Variants in PSRC1 observed in about 807,000 individuals in gnomAD.
PSRC1 encodes the protein proline and serine rich coiled-coil 1.
Under a neutral mutation model 31.9 loss-of-function variants are expected in PSRC1, and 30 were observed. The ratio of observed to expected loss-of-function variants is 0.94; its 90% CI spans 0.70 to 1.28. PSRC1 has a LOEUF of 1.28. Among genes scored for constraint, PSRC1 ranks in the 50% most tolerant of loss-of-function variants. PSRC1 has a pLI of 0.00. For missense variants in PSRC1, 481 were observed against 472.8 expected (o/e 1.02, Z -0.16); for synonymous variants, 191 against 192.1 (o/e 0.99, Z 0.05).
Position 109,281,606 on chromosome 1 carries a change from T to C in PSRC1, c.519+13A>G, listed in dbSNP as rs776210306. On this transcript the variant is annotated intron_variant, in intron 4 of 6. Coordinates refer to ENST00000409138, the Ensembl canonical transcript of PSRC1. ...GTCTGGGGCACACCTCCAACTCAACTCTCTCAACTCACCCTCTTCATGTTG... is the reference window on the plus strand; with the variant it reads ...GTCTGGGGCACACCTCCAACTCAACCCTCTCAACTCACCCTCTTCATGTTG... 3.4e-5 allele frequency: 54 copies of C among 1,599,268 alleles called. No individual in the cohort carries two copies. The highest frequency in any genetic ancestry group is 2.9e-4 in the Admixed American group (17 of 59,544).
chr1:109,280,632 C>T lies in PSRC1; in HGVS notation c.995-143G>A, dbSNP rs962696040. 67 of 955,030 alleles carry T rather than the reference C, an allele frequency of 7.0e-5. No homozygotes were observed. In the African/African-American group the frequency reaches 1.0e-3, roughly 15 times the overall value. The allele number at this position is 955,030 out of a possible 1,614,324, so 59.2% of individuals were successfully genotyped here. A position where few individuals can be genotyped will look rare whatever the true frequency, so the allele number is the denominator to read the frequency against. On this transcript the variant is annotated intron_variant, in intron 5 of 6. Coordinates refer to ENST00000409138, the Ensembl canonical transcript of PSRC1. ...TTGAAAACTAAGACTCAGACTCTGT[C>T]CAGCCCCATATCCTCTCTGTAACTC...
At chr1:109,282,780 A>G in intron 1 of PSRC1, 44 bp from the exon 2 acceptor site, 2 of 1,542,906 alleles carry the variant, frequency 1.3e-6, no homozygotes, top group South Asian at 1.2e-5. Context: ...ATTCTGCCCA[A>G]GGCTCGCAGC....
intron 1 of PSRC1, 107 bp from the exon 2 acceptor site, chr1:109,282,843 G>T: frequency 9.7e-7 from 1 of 1,033,734 alleles, no homozygotes; most frequent in Non-Finnish European, 1.4e-6. Flanking sequence ...CAAAGCAAGC[G>T]CCCAGGAGTG....
exon 5 of PSRC1, chr1:109,280,781 G>T (rs1656937667): frequency 1.3e-6 from 2 of 1,565,844 alleles, no homozygotes; most frequent in African/African-American, 1.4e-5. Flanking sequence ...TCTTACCCTT[G>T]TGTCCACTTT....
exon 5 of PSRC1, chr1:109,281,101 C>T (rs566855388): frequency 2.8e-5 from 45 of 1,613,358 alleles, no homozygotes; most frequent in Non-Finnish European, 3.6e-5. Flanking sequence ...TCCCCACTCC[C>T]ACTCACCCGC....
At chr1:109,280,543 A>G in intron 5 of PSRC1, 54 bp from the exon 7 acceptor site, 1 of 1,435,088 alleles carries the variant, frequency 7.0e-7, no homozygotes, top group Non-Finnish European at 9.7e-7. Context: ...ACTGACCTCG[A>G]AAAGAAATAC....
chr1:109,280,220 A>C (rs368125958), intron 6 of PSRC1, 64 bp from the exon 8 acceptor site: 182 of 1,590,136 alleles, frequency 1.1e-4, no homozygotes, highest in South Asian at 1.2e-4. Context: ...TTTGTCACCC[A>C]GCAGAATTCA....
exon 4 of PSRC1, chr1:109,281,738 A>T (rs1207467830): frequency 6.2e-7 from 1 of 1,613,890 alleles, no homozygotes; most frequent in South Asian, 1.1e-5. Flanking sequence ...CTCCGCGTCA[A>T]AGAGTTCACA....
intron 4 of PSRC1, 131 bp downstream of exon 4, chr1:109,281,488 G>A: frequency 2.2e-6 from 2 of 915,526 alleles, no homozygotes. Context: ...CTTTTTTCAT[G>A]GTTCTCATTT....
chr1:109,280,943 T>G (rs1436765922), exon 5 of PSRC1: 1 of 1,613,758 alleles, frequency 6.2e-7, no homozygotes, highest in East Asian at 2.2e-5. Flanking sequence ...GAATGGGCAG[T>G]TGACTGGAAG....
At chr1:109,282,423 C>G in intron 3 of PSRC1, 95 bp downstream of exon 3, 1 of 1,253,166 alleles carries the variant, frequency 8.0e-7, no homozygotes. Context: ...CCAAACCTTG[C>G]TAAGTTACCA....
chr1:109,280,487 G>A (rs1656879896), exon 6 of PSRC1: 1 of 1,611,354 alleles, frequency 6.2e-7, no homozygotes, highest in African/African-American at 1.3e-5. Flanking sequence ...TGGGAAACAG[G>A]AACTTCATGG....
rs1011239934 is a variant in PSRC1, at chr1:109,282,377, C to T, written c.77+141G>A. On this transcript the variant is annotated intron_variant, in intron 3 of 6. Coordinates refer to ENST00000409138, the Ensembl canonical transcript of PSRC1. ...CCCGCTACCAATAGTGTCATAGAGG[C>T]CCGAGTCAGCCAGCCGCCCAGCAGC... The T allele has an allele frequency of 9.6e-6, 7 of 726,254 alleles. No homozygotes were observed. In the African/African-American group the frequency reaches 1.1e-4, roughly 11 times the overall value. The allele number at this position is 726,254 out of a possible 1,614,324, so 45.0% of individuals were successfully genotyped here.
At chr1:109,280,719 T>C in intron 5 of PSRC1, 58 bp downstream of exon 6, 4 of 1,405,554 alleles carry the variant, frequency 2.8e-6, no homozygotes, top group Non-Finnish European at 3.9e-6. Flanking sequence ...TGTTGACAGC[T>C]CTGGGAGGGT....
exon 4 of PSRC1, chr1:109,281,852 G>C: frequency 1.2e-6 from 2 of 1,613,726 alleles, no homozygotes. Flanking sequence ...GCGCTCTCCC[G>C]ATCCTGCAGG....
chr1:109,281,783 G>A (rs1657163432), exon 4 of PSRC1: 2 of 1,614,096 alleles, frequency 1.2e-6, no homozygotes, highest in Non-Finnish European at 8.5e-7. Flanking sequence ...CTATCCTTCA[G>A]CACAAAGGTC....
intron 4 of PSRC1, 21 bp from the exon 5 acceptor site, chr1:109,281,272 GAA>G (rs749358142): frequency 5.9e-6 from 9 of 1,531,648 alleles, no homozygotes; most frequent in Non-Finnish European, 7.1e-6. Context: ...AAGAGAGAGA[GAA>G]AAAAGACTAG....
At chr1:109,281,311 T>C in intron 4 of PSRC1, 60 bp from the exon 5 acceptor site, 1 of 1,377,334 alleles carries the variant, frequency 7.3e-7, no homozygotes, top group South Asian at 1.4e-5. Flanking sequence ...GTTCTGTGGC[T>C]TAAGGAATTA....
chr1:109,282,208 G>T, intron 3 of PSRC1, 148 bp from the exon 4 acceptor site: 1 of 717,720 alleles, frequency 1.4e-6, no homozygotes. Flanking sequence ...TGGCCTCTGG[G>T]CGATGAGATA....
Sources: allele counts gnomAD v4.1 joint callset, GRCh38; gene constraint gnomAD v4.1.1; transcripts MANE v1.5; gene names NCBI Gene and HGNC (gene_info 2026-07-23, HGNC 2026-07-21).